The following MMP28 variants were observed in gnomAD, a reference collection of about 807,000 sequenced individuals.
MMP28 encodes the protein matrix metallopeptidase 28, also known as matrix metalloproteinase-28.
Under a neutral mutation model 60.5 loss-of-function variants are expected in MMP28, and 55 were observed. That is an observed-to-expected ratio of 0.91 (90% CI 0.73 to 1.14). The LOEUF is 1.14. MMP28 is among the 50% of genes most tolerant of loss of function. The pLI is 0.00. For synonymous variants in MMP28, 318 were observed against 312.5 expected, an observed-to-expected ratio of 1.02 and a Z score of -0.18; for missense variants, 686 against 738.3, an observed-to-expected ratio of 0.93 and a Z score of 0.82.
intron 1 of MMP28, among the ~76,000 whole-genome samples, chr17:35,787,505 T>G (rs958185852): frequency 2.0e-5 from 3 of 152,168 alleles, no homozygotes; most frequent in Non-Finnish European, 4.4e-5. Flanking sequence ...TGTTTGTTTG[T>G]TTTTAGTCAG....
chr17:35,763,997 C>T (rs2085879278), downstream of MMP28: 1 of 1,529,552 alleles, frequency 6.5e-7, no homozygotes, highest in Non-Finnish European at 8.8e-7. Flanking sequence ...GACCTCCTCC[C>T]GGCCCGCAGG....
intron 3 of MMP28, among the ~76,000 whole-genome samples, chr17:35,774,563 A>T (rs2086267507): frequency 6.6e-6 from 1 of 152,218 alleles, no homozygotes; most frequent in South Asian, 2.1e-4. Context: ...CAAAGCATGA[A>T]CTAAGATTCT....
downstream of MMP28, among the ~76,000 whole-genome samples, chr17:35,762,554 CAGT>C (rs1344029432): frequency 6.6e-6 from 1 of 152,144 alleles, no homozygotes; most frequent in African/African-American, 2.4e-5. Context: ...CAAGAGGGGA[CAGT>C]GGTGGCTGAA....
rs570864449 is a variant in MMP28, at chr17:35,768,288, C to T, written c.942G>A (p.Arg314=). ...ETWDSYSPQG[R]RPETQGPKYC... Reference sequence around the variant, plus strand: ...ATTTAGGGCCCTGCGTTTCAGGGCGCCTTCCTTGGGGGCTGTAGGAGTCCC... The same window carrying T: ...ATTTAGGGCCCTGCGTTTCAGGGCGTCTTCCTTGGGGGCTGTAGGAGTCCC... The change falls in exon 6 of 8, where the codon AGG becomes AGA. Residue 314 remains arginine, a synonymous_variant. Transcript: ENST00000605424. 3.6e-5 allele frequency: 58 copies of T among 1,613,324 alleles called. No individual in the cohort carries two copies. In the Middle Eastern group the frequency reaches 5.0e-4, roughly 14 times the overall value.
chr17:35,793,795 T>C (rs542994363), intron 1 of MMP28, among the ~76,000 whole-genome samples: 2 of 152,162 alleles, frequency 1.3e-5, no homozygotes, highest in African/African-American at 4.8e-5. Flanking sequence ...GGCTCAGTAA[T>C]TCAGAACCTG....
In MMP28 at chr17:35,770,449, T is replaced by C. The variant is rs1035858391; in HGVS notation, c.605-137A>G. 85 of 1,180,182 alleles carry C rather than the reference T, an allele frequency of 7.2e-5. No individual in the cohort carries two copies. In the African/African-American group the frequency reaches 1.2e-3, roughly 16 times the overall value. 73.1% of individuals were successfully genotyped at this position (1,180,182 alleles called of 1,614,324 possible). On this transcript the variant is annotated intron_variant, in intron 4 of 7. Transcript: ENST00000605424. ...TTCCCTCCTAAAATCTGGCAGAACC[T>C]GAAGTGTGCAGAGGTGAACAGTAGG...
At position 35,770,256 on chromosome 17, in the gene MMP28, C is replaced by G. The variant is rs757516159; in HGVS notation, c.661G>C (p.Asp221His). 6.3e-7 allele frequency: 1 copy of G among 1,584,056 alleles called. No homozygotes were observed. The highest frequency in any genetic ancestry group is 1.1e-5 in the South Asian group (1 of 88,856). Residue 221 changes from aspartate (D) to histidine (H), a missense_variant, in exon 5 of 8, where the codon GAT (aspartate) becomes CAT (histidine). By Grantham distance (81) the Asp-to-His change is moderately conservative. Coordinates refer to ENST00000605424, the MANE Select transcript of MMP28 (RefSeq NM_024302.5). ...CGGCGGCTCAGGGACCAGCGCTCAT[C>G]TTGGTCGAAGTGCGCTTCGCCGCGG... ...PRRGEAHFDQ[D>H]ERWSLSRRRG...
intron 1 of MMP28, among the ~76,000 whole-genome samples, chr17:35,779,640 G>A (rs1236145757): frequency 6.6e-6 from 1 of 152,166 alleles, no homozygotes; most frequent in Non-Finnish European, 1.5e-5. Context: ...GCACATGCTA[G>A]GCAGTACAGT....
chr17:35,764,137 G>T (rs891023689), downstream of MMP28: 7 of 1,549,428 alleles, frequency 4.5e-6, 1 homozygote, highest in Admixed American at 1.4e-4. Context: ...ACAGCGCGAC[G>T]GAGGGCGAGG....
At chr17:35,764,320 C>G, downstream of MMP28, 6 of 1,477,644 alleles carry the variant, frequency 4.1e-6, no homozygotes, top group Non-Finnish European at 5.4e-6. Context: ...CAGCTCCCAC[C>G]GACAGGTGCC....
At chr17:35,764,538 CACA>C, downstream of MMP28, 1 of 1,597,522 alleles carries the variant, frequency 6.3e-7, no homozygotes, top group Non-Finnish European at 8.5e-7. Flanking sequence ...CAGGAGTCTG[CACA>C]GCCACCCAGC....
rs748570462 is a variant in MMP28, at chr17:35,773,343, C to T, written c.441G>A (p.Pro147=). The change falls in exon 4 of 8, where the codon CCG becomes CCA. Residue 147 remains proline, a synonymous_variant. Coordinates refer to ENST00000605424, the MANE Select transcript of MMP28 (RefSeq NM_024302.5). ...YRLVNWPEHL[P]EPAVRGAVRA... is the part of the protein sequence containing the mutation. Reference sequence around the variant, plus strand: ...GCACGGCGCCCCGAACTGCCGGCTCCGGCAGATGCTCAGGCCAGTTCACCA... The same window carrying T: ...GCACGGCGCCCCGAACTGCCGGCTCTGGCAGATGCTCAGGCCAGTTCACCA... 2.6e-5 allele frequency: 42 copies of T among 1,612,238 alleles called. No individual in the cohort carries two copies. The highest frequency in any genetic ancestry group is 8.0e-5 in the African/African-American group (6 of 74,926).
rs147736110 is a variant in MMP28, at chr17:35,784,586, T to C, written c.112-5263A>G. ...TGCAAAGGTAAGAGAAATGGTCTAC[T>C]CTGCACAGTAGAAGGAGCAGGGGTG... is the stretch of plus-strand genomic sequence containing the variant. On this transcript the variant is annotated intron_variant, in intron 1 of 7. Transcript: ENST00000605424. 2.3e-4 allele frequency among the ~76,000 whole-genome samples: 35 copies of C among 152,178 alleles called. No homozygotes were observed. In the East Asian group the frequency reaches 6.6e-3, roughly 29 times the overall value.
chr17:35,775,481 G>A (rs977553463), intron 3 of MMP28, among the ~76,000 whole-genome samples: 1 of 152,224 alleles, frequency 6.6e-6, no homozygotes, highest in Non-Finnish European at 1.5e-5. Flanking sequence ...TATGGGAAGG[G>A]GGAGGAGAAC....
intron 1 of MMP28, among the ~76,000 whole-genome samples, chr17:35,791,939 G>A (rs913505791): frequency 9.9e-5 from 15 of 152,038 alleles, no homozygotes; most frequent in Non-Finnish European, 2.1e-4. Context: ...CCCCTCCACA[G>A]ATTCCAGCTA....
Position 35,771,170 on chromosome 17 carries a change from C to T in MMP28, c.605-858G>A, listed in dbSNP as rs529211642. ...CTTTCAGGCTGGGTGCGGTGGCTCA[C>T]GCCTGTAATCCCAGCACTTTGGGAG... On this transcript the variant is annotated intron_variant, in intron 4 of 7. Coordinates refer to ENST00000605424, the MANE Select transcript of MMP28 (RefSeq NM_024302.5). Among the ~76,000 whole-genome samples the T allele has an allele frequency of 1.2e-3, 178 of 152,276 alleles. 1 individual carries two copies. Among genetic ancestry groups the T allele is most frequent in the African/African-American group, 4.0e-3 (166 of 41,560 alleles).
At chr17:35,775,341 A>G (rs2086293946) in intron 3 of MMP28, among the ~76,000 whole-genome samples, 2 of 152,324 alleles carry the variant, frequency 1.3e-5, no homozygotes, top group Admixed American at 1.3e-4. Flanking sequence ...TAGCCGCTTC[A>G]GGCCCTGACC....
At chr17:35,790,773 AG>A (rs1179667316) in intron 1 of MMP28, among the ~76,000 whole-genome samples, 1 of 152,136 alleles carries the variant, frequency 6.6e-6, no homozygotes, top group Admixed American at 6.6e-5. Context: ...AGATCATTTG[AG>A]GTCAGGAGTT....
intron 1 of MMP28, among the ~76,000 whole-genome samples, chr17:35,786,212 A>G (rs995129984): frequency 2.6e-5 from 4 of 151,964 alleles, no homozygotes; most frequent in Admixed American, 2.6e-4. Flanking sequence ...GTGCGCCACT[A>G]CGCCTGGGTA....
Sources: gnomAD v4.1 joint callset for allele counts (sites outside exome capture counted in the v4.1 genomes callset) on GRCh38, gnomAD v4.1.1 for gene constraint, MANE v1.5 for transcripts, NCBI Gene and HGNC (gene_info 2026-07-23, HGNC 2026-07-21) for gene names.